GATAD2B: variants seen among roughly 807,000 people sequenced by gnomAD.
The protein encoded by GATAD2B is GATA zinc finger domain containing 2B.
In GATAD2B, 8 loss-of-function variants were observed where a neutral mutation model predicts 64.3. The ratio of observed to expected loss-of-function variants is 0.12; its 90% CI spans 0.07 to 0.22. GATAD2B has a LOEUF of 0.22. Among genes scored for constraint, GATAD2B ranks in the 10% least tolerant of loss-of-function variants. The probability of loss-of-function intolerance (pLI) is 1.00; values close to 1 mark genes in which losing one functional copy is unlikely to be tolerated. For missense variants in GATAD2B, 453 were observed against 752.0 expected, an observed-to-expected ratio of 0.60 and a Z score of 4.65; for synonymous variants, 281 against 271.3, an observed-to-expected ratio of 1.04 and a Z score of -0.35.
In GATAD2B at chr1:153,807,342, GAA is replaced by G. The variant is rs889372708; in HGVS notation, c.*2833_*2834del. 2.6e-5 allele frequency: 4 copies of G among 151,814 alleles called. No individual in the cohort carries two copies. Among genetic ancestry groups the G allele is most frequent in the African/African-American group, 9.7e-5 (4 of 41,324 alleles). The allele number at this position is 151,814 out of a possible 1,614,324, so 9.4% of individuals were successfully genotyped here. A position where few individuals can be genotyped will look rare whatever the true frequency, so the allele number is the denominator to read the frequency against. ...GGAGGGACACAAGGCAATCAGTGAT[GAA>G]AAAAAAGAGACGGAGAATTGAGGAA... On this transcript the variant is annotated 3_prime_UTR_variant, in exon 11 of 11. Transcript: ENST00000368655.
intron 1 of GATAD2B, among the ~76,000 whole-genome samples, chr1:153,848,489 C>A (rs1409027662): frequency 1.3e-5 from 2 of 152,144 alleles, no homozygotes; most frequent in Non-Finnish European, 2.9e-5. Context: ...ATCCTTTATT[C>A]TTAGTCTTCA....
chr1:153,807,495 T>C lies in GATAD2B; in HGVS notation c.*2682A>G, dbSNP rs972137539. ...GTATGAAAATGGGGAGAAGAAAGGG[T>C]AAGAAATCAAACCTCAGCGGTTGAA... On this transcript the variant is annotated 3_prime_UTR_variant, in exon 11 of 11. Transcript: ENST00000368655. The C allele has an allele frequency of 1.9e-4, 29 of 152,002 alleles. No homozygotes were observed. Among genetic ancestry groups the C allele is most frequent in the African/African-American group, 6.3e-4 (26 of 41,412 alleles). 9.4% of individuals were successfully genotyped at this position (152,002 alleles called of 1,614,324 possible). A position where few individuals can be genotyped will look rare whatever the true frequency, so the allele number is the denominator to read the frequency against.
intron 1 of GATAD2B, among the ~76,000 whole-genome samples, chr1:153,831,133 A>G (rs1675065957): frequency 6.6e-6 from 1 of 152,180 alleles, no homozygotes; most frequent in Non-Finnish European, 1.5e-5. Flanking sequence ...CTCCCTTTTT[A>G]AAGAATAGCT....
At chr1:153,913,125 A>C (rs1571009703) in intron 1 of GATAD2B, among the ~76,000 whole-genome samples, 1 of 149,268 alleles carries the variant, frequency 6.7e-6, no homozygotes, top group Non-Finnish European at 1.5e-5. Context: ...ACAGGGTTTC[A>C]CCACGCTGGC....
At chr1:153,838,310 A>G (rs999699310) in intron 1 of GATAD2B, among the ~76,000 whole-genome samples, 5 of 152,184 alleles carry the variant, frequency 3.3e-5, no homozygotes, top group Admixed American at 3.3e-4. Context: ...TTTTTGGAAA[A>G]CGACTAGATT....
chr1:153,917,820 A>C (rs936145569), intron 1 of GATAD2B, among the ~76,000 whole-genome samples: 1 of 151,986 alleles, frequency 6.6e-6, no homozygotes, highest in African/African-American at 2.4e-5. Context: ...AAATGTAACA[A>C]ATAAATATAT....
At chr1:153,917,349 G>T (rs565433937) in intron 1 of GATAD2B, among the ~76,000 whole-genome samples, 37 of 149,690 alleles carry the variant, frequency 2.5e-4, no homozygotes, top group African/African-American at 8.6e-4. Context: ...ACCCGCCTCG[G>T]CCTCCCAAAG....
chr1:153,907,912 C>T (rs1425919346), intron 1 of GATAD2B, among the ~76,000 whole-genome samples: 4 of 152,188 alleles, frequency 2.6e-5, no homozygotes, highest in Non-Finnish European at 5.9e-5. Flanking sequence ...TCAAGCGATT[C>T]TTCTGCCTCA....
At chr1:153,845,313 C>T (rs537716544) in intron 1 of GATAD2B, among the ~76,000 whole-genome samples, 17 of 151,904 alleles carry the variant, frequency 1.1e-4, no homozygotes, top group African/African-American at 4.1e-4. Flanking sequence ...GCACAGGAGG[C>T]TGAGGCTGCA....
intron 1 of GATAD2B, among the ~76,000 whole-genome samples, chr1:153,876,938 G>A (rs1310489699): frequency 6.6e-6 from 1 of 152,154 alleles, no homozygotes; most frequent in East Asian, 1.9e-4. Flanking sequence ...GGTGAGGGGA[G>A]GGCGGCGGGT....
At chr1:153,833,086 A>T (rs1277893759) in intron 1 of GATAD2B, among the ~76,000 whole-genome samples, 5 of 152,184 alleles carry the variant, frequency 3.3e-5, no homozygotes, top group Non-Finnish European at 7.3e-5. Flanking sequence ...GCACACCAGT[A>T]GTCTCGGCTA....
chr1:153,809,270 G>A lies in GATAD2B; in HGVS notation c.*907C>T, dbSNP rs1674208395. The A allele has an allele frequency of 6.6e-6, 1 of 152,074 alleles. No homozygotes were observed. The highest frequency in any genetic ancestry group is 6.5e-5 in the Admixed American group (1 of 15,280). 9.4% of individuals were successfully genotyped at this position (152,074 alleles called of 1,614,324 possible). A position where few individuals can be genotyped will look rare whatever the true frequency, so the allele number is the denominator to read the frequency against. ...AAGAATACAAGATGAAATAATTTTG[G>A]GCTGGTTGGCCTGGAATAGACTTCC... On this transcript the variant is annotated 3_prime_UTR_variant, in exon 11 of 11. Transcript: ENST00000368655.
chr1:153,894,369 G>A (rs751914172), intron 1 of GATAD2B, among the ~76,000 whole-genome samples: 3 of 152,060 alleles, frequency 2.0e-5, no homozygotes, highest in East Asian at 1.9e-4. Flanking sequence ...TCAGGAGGCT[G>A]AGGCAAGAAA....
chr1:153,861,521 C>T (rs977294478), intron 1 of GATAD2B, among the ~76,000 whole-genome samples: 1 of 151,374 alleles, frequency 6.6e-6, no homozygotes, highest in South Asian at 2.1e-4. Context: ...GACACAGTGG[C>T]TCATGCCTGT....
At chr1:153,834,692 A>G (rs1381025473) in intron 1 of GATAD2B, among the ~76,000 whole-genome samples, 1 of 152,196 alleles carries the variant, frequency 6.6e-6, no homozygotes, top group Admixed American at 6.5e-5. Context: ...GCCCGGCCTA[A>G]AACTATCAAC....
At chr1:153,834,539 C>A (rs1675201863) in intron 1 of GATAD2B, among the ~76,000 whole-genome samples, 1 of 152,056 alleles carries the variant, frequency 6.6e-6, no homozygotes, top group Admixed American at 6.6e-5. Context: ...CAGGCATGTG[C>A]CACCCCAGGC....
chr1:153,867,988 C>G (rs1314334436), intron 1 of GATAD2B, among the ~76,000 whole-genome samples: 1 of 152,146 alleles, frequency 6.6e-6, no homozygotes, highest in Non-Finnish European at 1.5e-5. Flanking sequence ...CACCTGAGGT[C>G]AGGAGTTCAA....
chr1:153,882,589 T>C (rs531762239), intron 1 of GATAD2B, among the ~76,000 whole-genome samples: 7 of 150,348 alleles, frequency 4.7e-5, no homozygotes, highest in Non-Finnish European at 8.8e-5. Flanking sequence ...CTTTGTTATG[T>C]ATATTTTACT....
intron 7 of GATAD2B, among the ~76,000 whole-genome samples, chr1:153,815,371 A>G (rs2101878814): frequency 6.6e-6 from 1 of 152,008 alleles, no homozygotes. Context: ...TAAAAGAACT[A>G]AACAAAATAC....
Sources: allele counts gnomAD v4.1 joint callset (sites outside exome capture counted in the v4.1 genomes callset), GRCh38; gene constraint gnomAD v4.1.1; transcripts MANE v1.5; gene names NCBI Gene and HGNC (gene_info 2026-07-23, HGNC 2026-07-21).